ZBTB20: variants seen among roughly 807,000 people sequenced by gnomAD.
ZBTB20 encodes the protein zinc finger and BTB domain containing 20.
Under a neutral mutation model 56.9 loss-of-function variants are expected in ZBTB20, and 9 were observed. The observed-to-expected ratio is 0.16, with a 90% CI of 0.10 to 0.28. ZBTB20 has a LOEUF of 0.28. ZBTB20 is among the 10% of genes least tolerant of loss of function. The pLI is 1.00. For missense variants in ZBTB20, 655 were observed against 1,003.0 expected (o/e 0.65, Z 4.69); for synonymous variants, 417 against 420.7 (o/e 0.99, Z 0.11).
chr3:114,466,369 A>T (rs548709224), intron 7 of ZBTB20, among the ~76,000 whole-genome samples: 43 of 152,314 alleles, frequency 2.8e-4, no homozygotes, highest in African/African-American at 9.9e-4. Context: ...ACAACTAATA[A>T]GTGGCACAGT....
intron 7 of ZBTB20, among the ~76,000 whole-genome samples, chr3:114,440,486 C>G (rs759585072): frequency 4.1e-4 from 63 of 152,052 alleles, no homozygotes; most frequent in Non-Finnish European, 5.7e-4. Flanking sequence ...TCTCTCATTC[C>G]CTCTTACTTT....
At chr3:114,455,367 G>A (rs778326325) in intron 7 of ZBTB20, among the ~76,000 whole-genome samples, 7 of 152,080 alleles carry the variant, frequency 4.6e-5, no homozygotes, top group Non-Finnish European at 1.0e-4. Context: ...ATCCTCAAAG[G>A]GGGAACTATT....
intron 4 of ZBTB20, among the ~76,000 whole-genome samples, chr3:114,839,461 AAGAAAG>A (rs2074280624): frequency 2.0e-5 from 3 of 150,970 alleles, no homozygotes; most frequent in Middle Eastern, 3.4e-3. Context: ...GAAAGAAAGA[AAGAAAG>A]AGAGAGAGAA....
At chr3:114,443,650 T>C (rs927859911) in intron 7 of ZBTB20, among the ~76,000 whole-genome samples, 3 of 152,204 alleles carry the variant, frequency 2.0e-5, no homozygotes, top group African/African-American at 7.2e-5. Flanking sequence ...GACAATGAAT[T>C]AGGTCAATCT....
chr3:114,705,569 T>C (rs2063667950), intron 5 of ZBTB20, among the ~76,000 whole-genome samples: 1 of 152,180 alleles, frequency 6.6e-6, no homozygotes, highest in Non-Finnish European at 1.5e-5. Flanking sequence ...CTTCTTCCTC[T>C]CTTGGCACAA....
At chr3:114,755,372 C>A (rs533849350) in intron 5 of ZBTB20, among the ~76,000 whole-genome samples, 1 of 152,192 alleles carries the variant, frequency 6.6e-6, no homozygotes, top group Admixed American at 6.5e-5. Context: ...AGAAATGACT[C>A]TTTTTAAAAC....
At chr3:114,813,138 C>A (rs1441551002) in intron 4 of ZBTB20, among the ~76,000 whole-genome samples, 6 of 152,234 alleles carry the variant, frequency 3.9e-5, no homozygotes, top group Non-Finnish European at 4.4e-5. Context: ...CCTAAAGTGC[C>A]GCCAAAGTGG....
intron 6 of ZBTB20, among the ~76,000 whole-genome samples, chr3:114,624,358 C>G (rs75068347): frequency 8.1e-6 from 1 of 123,070 alleles, no homozygotes; most frequent in Non-Finnish European, 1.8e-5. Flanking sequence ...GTAAGAGAAA[C>G]AAAAAAAAAA....
intron 6 of ZBTB20, among the ~76,000 whole-genome samples, chr3:114,516,508 C>T (rs1023019604): frequency 6.6e-6 from 1 of 152,078 alleles, no homozygotes; most frequent in African/African-American, 2.4e-5. Context: ...AATGCTACTA[C>T]CTGAAGATCT....
chr3:115,130,792 G>T (rs767118650), intron 1 of ZBTB20, among the ~76,000 whole-genome samples: 142 of 151,870 alleles, frequency 9.4e-4, no homozygotes, highest in Admixed American at 2.2e-3. Context: ...ATGGAGTTTC[G>T]CTCTTGTTGC....
At chr3:115,054,572 A>G (rs980041249) in intron 2 of ZBTB20, among the ~76,000 whole-genome samples, 2 of 152,144 alleles carry the variant, frequency 1.3e-5, no homozygotes, top group African/African-American at 4.8e-5. Context: ...CTCTAGGCTA[A>G]GACTACATAG....
intron 1 of ZBTB20, among the ~76,000 whole-genome samples, chr3:115,130,676 A>C (rs1340945466): frequency 6.6e-6 from 1 of 152,254 alleles, no homozygotes; most frequent in East Asian, 1.9e-4. Flanking sequence ...AAAGGAAAAA[A>C]ACAATCTGCT....
At chr3:114,535,531 G>A (rs2048358151) in intron 6 of ZBTB20, among the ~76,000 whole-genome samples, 1 of 152,182 alleles carries the variant, frequency 6.6e-6, no homozygotes, top group South Asian at 2.1e-4. Context: ...CCCAGGACCA[G>A]ACGAATTCAC....
intron 5 of ZBTB20, among the ~76,000 whole-genome samples, chr3:114,716,961 A>G (rs1259974762): frequency 6.6e-6 from 1 of 152,000 alleles, no homozygotes; most frequent in African/African-American, 2.4e-5. Context: ...GAGAATAAAC[A>G]AAACAAAACA....
At chr3:114,786,636 T>C (rs2108790902) in intron 5 of ZBTB20, among the ~76,000 whole-genome samples, 1 of 151,698 alleles carries the variant, frequency 6.6e-6, no homozygotes, top group East Asian at 1.9e-4. Flanking sequence ...AAATAGAAAG[T>C]ACTGAAAAGG....
intron 5 of ZBTB20, among the ~76,000 whole-genome samples, chr3:114,772,905 C>A (rs144647301): frequency 9.2e-5 from 14 of 152,280 alleles, no homozygotes; most frequent in African/African-American, 3.4e-4. Flanking sequence ...CCTAGATTAT[C>A]CAAGCTGGCC....
intron 6 of ZBTB20, among the ~76,000 whole-genome samples, chr3:114,633,519 AG>A (rs1429598396): frequency 1.4e-4 from 21 of 152,218 alleles, no homozygotes; most frequent in Non-Finnish European, 1.8e-4. Context: ...CAGGCTCTGC[AG>A]AACTTACTAA....
At chr3:114,586,726 G>A (rs1197289070) in intron 6 of ZBTB20, among the ~76,000 whole-genome samples, 3 of 152,112 alleles carry the variant, frequency 2.0e-5, no homozygotes, top group Non-Finnish European at 2.9e-5. Context: ...AAGAATTCAA[G>A]ATCCTCTCAT....
At chr3:114,882,765 G>T (rs2937260) in intron 4 of ZBTB20, among the ~76,000 whole-genome samples, 1 of 152,082 alleles carries the variant, frequency 6.6e-6, no homozygotes, top group African/African-American at 2.4e-5. Context: ...ATTTCTCTAC[G>T]CAAGTACAGT....
Sources: allele counts gnomAD v4.1 joint callset (sites outside exome capture counted in the v4.1 genomes callset), GRCh38; gene constraint gnomAD v4.1.1; transcripts MANE v1.5; gene names NCBI Gene and HGNC (gene_info 2026-07-23, HGNC 2026-07-21).